The following ZNF521 variants were observed in gnomAD, a reference collection of about 807,000 sequenced individuals.
ZNF521 encodes zinc finger protein 521, also known as LYST-interacting protein 3.
A neutral mutation model predicts 105.5 loss-of-function variants in ZNF521; 14 were observed. The observed-to-expected ratio is 0.13, with a 90% CI of 0.09 to 0.21. The LOEUF is 0.21. Ranked by LOEUF, ZNF521 falls within the 10% of genes least tolerant of loss-of-function variation. ZNF521 has a pLI of 1.00. For missense variants in ZNF521, 1,233 were observed against 1,629.7 expected (o/e 0.76, Z 4.19); for synonymous variants, 635 against 606.0 (o/e 1.05, Z -0.70).
chr18:25,243,760 G>C (rs1656295653), intron 3 of ZNF521, among the ~76,000 whole-genome samples: 1 of 152,048 alleles, frequency 6.6e-6, no homozygotes, highest in African/African-American at 2.4e-5. Flanking sequence ...TAAGTGTCTT[G>C]TTTTCATAAA....
intron 1 of ZNF521, chr18:25,351,296 T>C (rs1260753737): frequency 7.7e-6 from 1 of 130,682 alleles, no homozygotes; most frequent in Non-Finnish European, 1.6e-5. Context: ...CCAAAGACAA[T>C]GTTTGAAGAG....
intron 5 of ZNF521, among the ~76,000 whole-genome samples, chr18:25,188,696 C>A (rs2035768748): frequency 6.6e-6 from 1 of 152,148 alleles, no homozygotes; most frequent in Non-Finnish European, 1.5e-5. Flanking sequence ...AGAAGCCCTG[C>A]CATTGTATGT....
At position 25,226,079 on chromosome 18, in the gene ZNF521, C is replaced by T; in HGVS notation, c.1839G>A (p.Glu613=). Residue 613 remains glutamate (E), a synonymous_variant, in exon 4 of 8, where the codon GAG becomes GAA. Coordinates refer to ENST00000361524, the MANE Select transcript of ZNF521 (RefSeq NM_015461.3). This position sits in a 1 kb window ranked among gnomAD's most constrained non-coding sequence, Gnocchi z 4.1. The part of the protein sequence containing the change: ...ALSPLSPVAI[E]QTSLKMMQAV... ...CCTGCATCATCTTAAGAGATGTCTG[C>T]TCTATGGCCACAGGAGATAGGGGGC... The T allele has an allele frequency of 1.2e-6, 2 of 1,614,192 alleles. No homozygotes were observed. The highest frequency in any genetic ancestry group is 8.5e-7 in the Non-Finnish European group (1 of 1,180,020).
At chr18:25,134,442 T>A (rs375432354) in intron 5 of ZNF521, among the ~76,000 whole-genome samples, 10 of 152,242 alleles carry the variant, frequency 6.6e-5, no homozygotes, top group African/African-American at 2.4e-4. Context: ...TTGTGTCCCA[T>A]TCCTAATGAG....
At chr18:25,276,978 T>C (rs898772581) in intron 3 of ZNF521, among the ~76,000 whole-genome samples, 7 of 152,024 alleles carry the variant, frequency 4.6e-5, no homozygotes, top group African/African-American at 1.7e-4. Context: ...AGGTCAGGAG[T>C]TCGAGACCAG....
chr18:25,283,604 T>C (rs1910513167), intron 3 of ZNF521, among the ~76,000 whole-genome samples: 1 of 152,206 alleles, frequency 6.6e-6, no homozygotes, highest in Non-Finnish European at 1.5e-5. Flanking sequence ...ACCAGAAAGC[T>C]TTCCAGAAAA....
At chr18:25,068,613 T>C (rs542786962) in intron 7 of ZNF521, among the ~76,000 whole-genome samples, 1 of 152,298 alleles carries the variant, frequency 6.6e-6, no homozygotes, top group East Asian at 1.9e-4. Context: ...TGCTCGGGCA[T>C]ATAGCTGACT....
At chr18:25,084,798 T>C (rs779023328) in intron 7 of ZNF521, among the ~76,000 whole-genome samples, 2 of 152,220 alleles carry the variant, frequency 1.3e-5, no homozygotes, top group Non-Finnish European at 2.9e-5. Context: ...TGCCATCCAA[T>C]AGTAGCTTTT....
chr18:25,278,716 C>T (rs982230688), intron 3 of ZNF521, among the ~76,000 whole-genome samples: 1 of 149,632 alleles, frequency 6.7e-6, no homozygotes, highest in Non-Finnish European at 1.5e-5. Context: ...AGTCAGCTTG[C>T]TGCTTCTAAT....
At chr18:25,313,477 C>T (rs1912435542) in intron 3 of ZNF521, among the ~76,000 whole-genome samples, 1 of 152,262 alleles carries the variant, frequency 6.6e-6, no homozygotes, top group South Asian at 2.1e-4. Context: ...ACCGTTTCAT[C>T]AGAGCTGACT....
intron 2 of ZNF521, among the ~76,000 whole-genome samples, chr18:25,346,255 T>C (rs929452183): frequency 6.6e-6 from 1 of 151,864 alleles, no homozygotes; most frequent in Non-Finnish European, 1.5e-5. Context: ...GTCTAAGAAA[T>C]GAAACATATG....
At chr18:25,233,842 G>A (rs183222109) in intron 3 of ZNF521, among the ~76,000 whole-genome samples, 4 of 152,224 alleles carry the variant, frequency 2.6e-5, no homozygotes, top group Non-Finnish European at 4.4e-5. Context: ...GACACATTTC[G>A]ATTGCATGTG....
At chr18:25,256,648 G>A (rs1042214615) in intron 3 of ZNF521, among the ~76,000 whole-genome samples, 1 of 152,032 alleles carries the variant, frequency 6.6e-6, no homozygotes, top group Non-Finnish European at 1.5e-5. Flanking sequence ...GGAGCGAAGT[G>A]CGGGGAAGGG....
chr18:25,237,876 C>T (rs1320035875), intron 3 of ZNF521, among the ~76,000 whole-genome samples: 1 of 152,114 alleles, frequency 6.6e-6, no homozygotes, highest in Non-Finnish European at 1.5e-5. Context: ...GAAGCCTACA[C>T]AGAGAAAAGA....
At chr18:25,280,770 T>C (rs7234082) in intron 3 of ZNF521, among the ~76,000 whole-genome samples, 5,367 of 152,298 alleles carry the variant, frequency 0.035, 179 homozygotes, top group East Asian at 0.083. Context: ...TAAATGGTAT[T>C]GTCCCATTGA....
chr18:25,188,785 G>C (rs1227750248), intron 5 of ZNF521, among the ~76,000 whole-genome samples: 1 of 152,150 alleles, frequency 6.6e-6, no homozygotes, highest in Non-Finnish European at 1.5e-5. Context: ...ACGACAGGGT[G>C]GCATCCAGTA....
At position 25,179,950 on chromosome 18, in the gene ZNF521, C is replaced by A. The variant is rs148991134; in HGVS notation, c.3658+15210G>T. On this transcript the variant is annotated intron_variant, in intron 5 of 7. Coordinates refer to ENST00000361524, the MANE Select transcript of ZNF521 (RefSeq NM_015461.3). ...AAAACCATAGTTACTGACAGAAAAT[C>A]TGAATTAGAATTCTGAAATCAGTCA... Among the ~76,000 whole-genome samples the A allele has an allele frequency of 3.3e-3, 500 of 152,264 alleles. 2 individuals are homozygous for A. The highest frequency in any genetic ancestry group is 0.01 in the African/African-American group (434 of 41,534).
intron 5 of ZNF521, among the ~76,000 whole-genome samples, chr18:25,157,937 A>T (rs891083153): frequency 1.3e-5 from 2 of 152,072 alleles, no homozygotes; most frequent in African/African-American, 4.8e-5. Flanking sequence ...TATTTTTAGT[A>T]GAGACGGGGT....
At chr18:25,321,225 G>A (rs1912921772) in intron 3 of ZNF521, among the ~76,000 whole-genome samples, 1 of 152,172 alleles carries the variant, frequency 6.6e-6, no homozygotes, top group Non-Finnish European at 1.5e-5. Flanking sequence ...ATCTTACAGA[G>A]TTCTATCTAA....
Sources: gnomAD v4.1 joint callset for allele counts (sites outside exome capture counted in the v4.1 genomes callset) on GRCh38, gnomAD v4.1.1 for gene constraint, Gnocchi (gnomAD v3.1) non-coding constraint, MANE v1.5 for transcripts, NCBI Gene and HGNC (gene_info 2026-07-23, HGNC 2026-07-21) for gene names.